BICC1: variants seen among roughly 807,000 people sequenced by gnomAD.
BICC1 encodes the protein protein bicaudal C homolog 1.
A neutral mutation model predicts 111.0 loss-of-function variants in BICC1; 43 were observed. That is an observed-to-expected ratio of 0.39 (90% confidence interval 0.30 to 0.50). BICC1 has a LOEUF of 0.50. BICC1 is among the 20% of genes least tolerant of loss of function. The pLI is 0.88. For synonymous variants in BICC1, 467 were observed against 434.4 expected (o/e 1.07, Z -0.93); for missense variants, 1,091 against 1,203.2 (o/e 0.91, Z 1.38).
chr10:58,811,216 C>A (rs1176832392), intron 17 of BICC1, among the ~76,000 whole-genome samples: 2 of 152,160 alleles, frequency 1.3e-5, no homozygotes, highest in Non-Finnish European at 2.9e-5. Flanking sequence ...GTAACTGTGT[C>A]ACATCAATAA....
chr10:58,643,388 T>A (rs1376468295), intron 2 of BICC1, among the ~76,000 whole-genome samples: 3 of 152,242 alleles, frequency 2.0e-5, no homozygotes, highest in Non-Finnish European at 4.4e-5. Context: ...ATTTCCCAGG[T>A]ATTCTCTGAA....
At chr10:58,825,949 C>T (rs1347714344) in intron 20 of BICC1, among the ~76,000 whole-genome samples, 2 of 151,782 alleles carry the variant, frequency 1.3e-5, no homozygotes, top group African/African-American at 4.8e-5. Context: ...TGCATTTGCC[C>T]ACCACGTCAA....
intron 1 of BICC1, among the ~76,000 whole-genome samples, chr10:58,552,164 A>G (rs1353785836): frequency 1.3e-5 from 2 of 151,770 alleles, no homozygotes; most frequent in Admixed American, 1.3e-4. Flanking sequence ...TTCATGTGTT[A>G]AGAGTCTTAA....
chr10:58,649,395 C>A (rs1402152233), intron 2 of BICC1, among the ~76,000 whole-genome samples: 1 of 152,110 alleles, frequency 6.6e-6, no homozygotes, highest in African/African-American at 2.4e-5. Context: ...TCTCTGATAA[C>A]CCACCCACGA....
intron 20 of BICC1, chr10:58,823,441 T>C: frequency 1.0e-6 from 1 of 984,064 alleles, no homozygotes; most frequent in Non-Finnish European, 1.2e-6. Flanking sequence ...CTGGAAGATT[T>C]ATCTCTGTGC....
chr10:58,580,532 A>C (rs957211569), intron 1 of BICC1, among the ~76,000 whole-genome samples: 2 of 152,166 alleles, frequency 1.3e-5, no homozygotes, highest in Non-Finnish European at 2.9e-5. Context: ...AAAAATCCAA[A>C]ATCTGAAACA....
intron 2 of BICC1, among the ~76,000 whole-genome samples, chr10:58,638,487 A>G (rs1040520084): frequency 2.6e-5 from 4 of 152,196 alleles, no homozygotes; most frequent in Non-Finnish European, 5.9e-5. Context: ...TCCCTGTCTC[A>G]GGCTCCTTTC....
intron 3 of BICC1, among the ~76,000 whole-genome samples, chr10:58,719,058 C>T (rs1320277976): frequency 6.6e-6 from 1 of 152,042 alleles, no homozygotes; most frequent in East Asian, 1.9e-4. Context: ...GCTCATATTC[C>T]ATTTCTACTT....
chr10:58,638,336 A>T lies in BICC1; in HGVS notation c.237+17435A>T, dbSNP rs116572227. On this transcript the variant is annotated intron_variant, in intron 2 of 20. Coordinates refer to ENST00000373886, the MANE Select transcript of BICC1 (RefSeq NM_001080512.3). ...CAGAGTTAAAAAAAAAGGCCATTTG[A>T]AAAAAACAGCTTAAAAATGTCAAAT... is the stretch of plus-strand genomic sequence containing the variant. 4.8e-3 allele frequency among the ~76,000 whole-genome samples: 733 copies of T among 152,228 alleles called. 6 individuals are homozygous for T. Among genetic ancestry groups the T allele is most frequent in the African/African-American group, 0.017 (697 of 41,532 alleles).
At chr10:58,748,519 T>C (rs578182484) in intron 3 of BICC1, among the ~76,000 whole-genome samples, 2 of 152,168 alleles carry the variant, frequency 1.3e-5, no homozygotes, top group East Asian at 3.9e-4. Flanking sequence ...TCTAAGTTTG[T>C]ACACGTGGTT....
chr10:58,675,463 T>C (rs951624480), intron 2 of BICC1, among the ~76,000 whole-genome samples: 1 of 152,132 alleles, frequency 6.6e-6, no homozygotes, highest in African/African-American at 2.4e-5. Flanking sequence ...TCCTGCAATT[T>C]GCAACAACAA....
chr10:58,762,585 G>A (rs1411823651), intron 3 of BICC1, among the ~76,000 whole-genome samples: 3 of 151,970 alleles, frequency 2.0e-5, no homozygotes. Flanking sequence ...TTTATAATCT[G>A]TGGTGTCTGT....
At chr10:58,753,131 A>G (rs1303904047) in intron 3 of BICC1, among the ~76,000 whole-genome samples, 1 of 151,718 alleles carries the variant, frequency 6.6e-6, no homozygotes, top group Non-Finnish European at 1.5e-5. Context: ...TCAACTTAAT[A>G]TTTTTCTATT....
chr10:58,724,220 G>A (rs184310943), intron 3 of BICC1, among the ~76,000 whole-genome samples: 131 of 152,280 alleles, frequency 8.6e-4, no homozygotes, highest in African/African-American at 3.0e-3. Flanking sequence ...GAAAATAAAT[G>A]CATCCATGAT....
At chr10:58,739,110 T>C (rs558265688) in intron 3 of BICC1, among the ~76,000 whole-genome samples, 1 of 152,304 alleles carries the variant, frequency 6.6e-6, no homozygotes, top group South Asian at 2.1e-4. Context: ...GGCCAGAACT[T>C]CCAACACTAT....
chr10:58,772,473 TA>T (rs1156640374), intron 3 of BICC1, among the ~76,000 whole-genome samples: 2 of 152,158 alleles, frequency 1.3e-5, no homozygotes, highest in Non-Finnish European at 2.9e-5. Context: ...GACATTATAT[TA>T]AAAAATATAA....
chr10:58,683,448 T>C (rs1436301735), intron 2 of BICC1, among the ~76,000 whole-genome samples: 1 of 152,232 alleles, frequency 6.6e-6, no homozygotes, highest in Non-Finnish European at 1.5e-5. Context: ...GGGGATGGCA[T>C]TGAATCTATA....
At chr10:58,605,835 C>CT (rs1175214134) in intron 1 of BICC1, among the ~76,000 whole-genome samples, 2 of 152,200 alleles carry the variant, frequency 1.3e-5, no homozygotes, top group Non-Finnish European at 2.9e-5. Flanking sequence ...CGCTGACTCT[C>CT]TATCATCTAT....
chr10:58,745,777 A>T (rs889589854), intron 3 of BICC1, among the ~76,000 whole-genome samples: 1 of 151,904 alleles, frequency 6.6e-6, no homozygotes, highest in African/African-American at 2.4e-5. Context: ...AGATCAGCTA[A>T]CTTTTTATTT....
Sources: allele counts gnomAD v4.1 joint callset (sites outside exome capture counted in the v4.1 genomes callset), GRCh38; gene constraint gnomAD v4.1.1; transcripts MANE v1.5; gene names NCBI Gene and HGNC (gene_info 2026-07-23, HGNC 2026-07-21).